BICC1: variants seen among roughly 807,000 people sequenced by gnomAD.
The protein encoded by BICC1 is protein bicaudal C homolog 1.
BICC1 carries 43 observed loss-of-function variants against 111.0 expected under a neutral mutation model. The ratio of observed to expected loss-of-function variants is 0.39; its 90% CI spans 0.30 to 0.50. The LOEUF (loss-of-function observed/expected upper bound fraction) is 0.50, where lower values mean the gene tolerates loss of function less well. BICC1 is among the 20% of genes least tolerant of loss of function. The pLI is 0.88. For missense variants in BICC1, 1,091 were observed against 1,203.2 expected, an observed-to-expected ratio of 0.91 and a Z score of 1.38; for synonymous variants, 467 against 434.4, an observed-to-expected ratio of 1.07 and a Z score of -0.93.
intron 2 of BICC1, among the ~76,000 whole-genome samples, chr10:58,649,064 A>G (rs1050145868): frequency 3.9e-5 from 6 of 152,202 alleles, no homozygotes; most frequent in African/African-American, 1.4e-4. Context: ...CTCCCCAATA[A>G]GAAGATTAAA....
In BICC1 at chr10:58,639,060, T is replaced by C. The variant is rs930197359; in HGVS notation, c.237+18159T>C. On this transcript the variant is annotated intron_variant, in intron 2 of 20. Coordinates refer to ENST00000373886, the MANE Select transcript of BICC1 (RefSeq NM_001080512.3). ...CAAGCTAATTAACGTATGCATTACT[T>C]CATATAATTATCTTTTTTGTGGTAA... 1.9e-4 allele frequency among the ~76,000 whole-genome samples: 29 copies of C among 152,248 alleles called. 1 individual carries two copies. The highest frequency in any genetic ancestry group is 7.0e-4 in the African/African-American group (29 of 41,532).
Position 58,513,104 on chromosome 10 carries a change from G to A in BICC1, c.-40G>A. The stretch of plus-strand genomic sequence containing the variant: ...GAGCGGAGGCGGCAGCGCAGGCAGA[G>A]CGGCGGCGGCAGCGGGAGCCCGAGC... On this transcript the variant is annotated 5_prime_UTR_variant, in exon 1 of 21. Transcript: ENST00000373886. 3.0e-6 allele frequency: 4 copies of A among 1,343,486 alleles called. No homozygotes were observed. The highest frequency in any genetic ancestry group is 2.0e-5 in the South Asian group (1 of 50,356). 83.2% of individuals were successfully genotyped at this position (1,343,486 alleles called of 1,614,324 possible). A position where few individuals can be genotyped will look rare whatever the true frequency, so the allele number is the denominator to read the frequency against.
At chr10:58,796,755 CTA>C (rs779392293) in intron 10 of BICC1, among the ~76,000 whole-genome samples, 2 of 152,028 alleles carry the variant, frequency 1.3e-5, no homozygotes, top group Non-Finnish European at 2.9e-5. Context: ...CAAGGTCTGA[CTA>C]TTTTATTTTC....
intron 1 of BICC1, among the ~76,000 whole-genome samples, chr10:58,594,135 G>A (rs997003634): frequency 1.3e-5 from 2 of 151,664 alleles, no homozygotes; most frequent in African/African-American, 4.8e-5. Context: ...AGTGATTGAA[G>A]ATCAACTTAA....
At chr10:58,765,623 T>C (rs2132700415) in intron 3 of BICC1, among the ~76,000 whole-genome samples, 1 of 152,330 alleles carries the variant, frequency 6.6e-6, no homozygotes, top group East Asian at 1.9e-4. Context: ...CCCATTAATA[T>C]CTAAGATTTC....
intron 2 of BICC1, among the ~76,000 whole-genome samples, chr10:58,645,167 TG>T (rs766648071): frequency 2.0e-5 from 3 of 152,026 alleles, no homozygotes. Flanking sequence ...CCCAGCACTT[TG>T]GGAGACCGAG....
At chr10:58,586,153 C>T (rs1030801326) in intron 1 of BICC1, among the ~76,000 whole-genome samples, 2 of 152,092 alleles carry the variant, frequency 1.3e-5, no homozygotes, top group African/African-American at 4.8e-5. Context: ...AAGCAGAATC[C>T]TAAAAATGTG....
chr10:58,610,211 G>A (rs1845371727), intron 1 of BICC1, among the ~76,000 whole-genome samples: 1 of 152,178 alleles, frequency 6.6e-6, no homozygotes, highest in South Asian at 2.1e-4. Context: ...ACATTTGATA[G>A]CAACAGATGC....
At position 58,791,937 on chromosome 10, in the gene BICC1, A is replaced by G. The variant is rs546313070; in HGVS notation, c.1048-1547A>G. ...CTCCCGAGTAGCTGAGATTACAGTCATATGCCACCATGCCTGGCTAATTTT... is the reference window on the plus strand; with the variant it reads ...CTCCCGAGTAGCTGAGATTACAGTCGTATGCCACCATGCCTGGCTAATTTT... On this transcript the variant is annotated intron_variant, in intron 8 of 20. Coordinates refer to ENST00000373886, the MANE Select transcript of BICC1 (RefSeq NM_001080512.3). Among the ~76,000 whole-genome samples, 230 of 152,192 alleles carry G rather than the reference A, an allele frequency of 1.5e-3. 1 individual carries two copies. The highest frequency in any genetic ancestry group is 6.8e-3 in the Middle Eastern group (2 of 294).
intron 3 of BICC1, among the ~76,000 whole-genome samples, chr10:58,781,611 T>C (rs1311521937): frequency 6.6e-6 from 1 of 152,222 alleles, no homozygotes; most frequent in African/African-American, 2.4e-5. Context: ...AGCTGACTTT[T>C]TCCTCAATTT....
At chr10:58,745,606 C>CCG (rs1452800331) in intron 3 of BICC1, among the ~76,000 whole-genome samples, 6 of 126,362 alleles carry the variant, frequency 4.7e-5, no homozygotes, top group South Asian at 6.8e-4. Flanking sequence ...CCCACCGCCC[C>CCG]CCCCCCACAT....
chr10:58,552,793 A>T (rs1843330973), intron 1 of BICC1, among the ~76,000 whole-genome samples: 1 of 152,154 alleles, frequency 6.6e-6, no homozygotes, highest in South Asian at 2.1e-4. Flanking sequence ...TGGTGGTGAG[A>T]TATCTTCAGA....
intron 2 of BICC1, among the ~76,000 whole-genome samples, chr10:58,647,521 G>C (rs1838305135): frequency 6.6e-6 from 1 of 152,142 alleles, no homozygotes; most frequent in African/African-American, 2.4e-5. Flanking sequence ...CCAGAGAAAT[G>C]AATCATAGTG....
intron 2 of BICC1, among the ~76,000 whole-genome samples, chr10:58,639,918 G>A (rs534686211): frequency 6.6e-6 from 1 of 151,706 alleles, no homozygotes; most frequent in Non-Finnish European, 1.5e-5. Context: ...TCGCCATGTT[G>A]CCCAGACTGG....
chr10:58,605,714 G>T (rs1332697568), intron 1 of BICC1, among the ~76,000 whole-genome samples: 1 of 152,098 alleles, frequency 6.6e-6, no homozygotes, highest in Non-Finnish European at 1.5e-5. Context: ...ATTGTTTAGA[G>T]AATAATGTCA....
chr10:58,750,022 TG>T (rs1841941057), intron 3 of BICC1, among the ~76,000 whole-genome samples: 1 of 152,130 alleles, frequency 6.6e-6, no homozygotes, highest in South Asian at 2.1e-4. Flanking sequence ...TTAGAGGACC[TG>T]GTGTTTGACA....
At chr10:58,560,003 G>A (rs978782127) in intron 1 of BICC1, among the ~76,000 whole-genome samples, 1 of 151,026 alleles carries the variant, frequency 6.6e-6, no homozygotes, top group African/African-American at 2.4e-5. Context: ...GGTTTATCAG[G>A]GGTTTTGGCT....
At chr10:58,640,038 A>T (rs778657850) in intron 2 of BICC1, among the ~76,000 whole-genome samples, 3 of 152,066 alleles carry the variant, frequency 2.0e-5, no homozygotes, top group Non-Finnish European at 2.9e-5. Flanking sequence ...CATCCCTAAG[A>T]TCTTGTTAAC....
intron 1 of BICC1, among the ~76,000 whole-genome samples, chr10:58,535,619 T>C (rs556755203): frequency 6.6e-6 from 1 of 151,636 alleles, no homozygotes; most frequent in Admixed American, 6.6e-5. Context: ...CACACCAGGA[T>C]AGAAACCTCT....
Sources: gnomAD v4.1 joint callset for allele counts (sites outside exome capture counted in the v4.1 genomes callset) on GRCh38, gnomAD v4.1.1 for gene constraint, MANE v1.5 for transcripts, NCBI Gene and HGNC (gene_info 2026-07-23, HGNC 2026-07-21) for gene names.